Variants in SLC26A7 observed in about 807,000 individuals in gnomAD.
The protein encoded by SLC26A7 is solute carrier family 26 member 7, also known as anion exchange transporter.
SLC26A7 carries 59 observed loss-of-function variants against 82.5 expected under a neutral mutation model. That is an observed-to-expected ratio of 0.72 (90% confidence interval 0.58 to 0.89). The LOEUF is 0.89. SLC26A7 is among the 40% of genes least tolerant of loss of function. The pLI, the probability that SLC26A7 is intolerant of heterozygous loss-of-function variation, is 0.00. For missense variants in SLC26A7, 820 were observed against 793.0 expected, an observed-to-expected ratio of 1.03 and a Z score of -0.41; for synonymous variants, 271 against 274.3, an observed-to-expected ratio of 0.99 and a Z score of 0.12.
At chr8:91,310,484 G>A (rs536704696) in intron 4 of SLC26A7, among the ~76,000 whole-genome samples, 1 of 152,172 alleles carries the variant, frequency 6.6e-6, no homozygotes, top group South Asian at 2.1e-4. Context: ...TGAGGATCTG[G>A]AGCTTGATGG....
chr8:91,222,800 C>T (rs905771468), intron 2 of SLC26A7, among the ~76,000 whole-genome samples: 1 of 150,630 alleles, frequency 6.6e-6, no homozygotes, highest in Non-Finnish European at 1.5e-5. Context: ...CATCAGTTTT[C>T]TTTTTTTGTT....
intron 15 of SLC26A7, among the ~76,000 whole-genome samples, chr8:91,383,034 A>G (rs1814707769): frequency 6.6e-6 from 1 of 152,168 alleles, no homozygotes; most frequent in Non-Finnish European, 1.5e-5. Context: ...GAAAGGGGAT[A>G]CTTAAAATTG....
intron 2 of SLC26A7, among the ~76,000 whole-genome samples, chr8:91,229,068 A>G (rs996457276): frequency 1.3e-5 from 2 of 152,210 alleles, no homozygotes; most frequent in African/African-American, 4.8e-5. Flanking sequence ...CAATGACCAG[A>G]AAGGGATTCC....
At chr8:91,266,369 A>G (rs1238230432) in intron 2 of SLC26A7, among the ~76,000 whole-genome samples, 1 of 151,962 alleles carries the variant, frequency 6.6e-6, no homozygotes, top group Non-Finnish European at 1.5e-5. Context: ...ATTTATGAAC[A>G]TGGGATGCCT....
intron 11 of SLC26A7, among the ~76,000 whole-genome samples, chr8:91,359,897 C>T (rs56278443): frequency 0.11 from 16,672 of 150,728 alleles, 1,102 homozygotes; most frequent in African/African-American, 0.18. Flanking sequence ...TGTGTGTGTG[C>T]GCATGTGTGT....
intron 4 of SLC26A7, among the ~76,000 whole-genome samples, chr8:91,309,820 C>T (rs552363114): frequency 1.3e-5 from 2 of 152,170 alleles, no homozygotes; most frequent in African/African-American, 4.8e-5. Flanking sequence ...TTGAGGTGGG[C>T]TGTCTGCATG....
At chr8:91,333,248 T>G (rs147215868) in intron 5 of SLC26A7, among the ~76,000 whole-genome samples, 1 of 152,222 alleles carries the variant, frequency 6.6e-6, no homozygotes, top group Non-Finnish European at 1.5e-5. Context: ...ACTTTACTCT[T>G]ACATTGATCC....
chr8:91,323,818 C>CTTTTTTTTTT (rs3086210), intron 5 of SLC26A7, among the ~76,000 whole-genome samples: 3 of 117,104 alleles, frequency 2.6e-5, no homozygotes, highest in African/African-American at 9.1e-5. Context: ...TTTTTCTTAT[C>CTTTTTTTTTT]TTTTTTTTTT....
intron 11 of SLC26A7, 44 bp downstream of exon 11, chr8:91,353,040 CT>C: frequency 7.4e-7 from 1 of 1,345,338 alleles, no homozygotes; most frequent in Non-Finnish European, 1.0e-6. Context: ...TTAGCTTAAG[CT>C]TATGTTACCA....
At chr8:91,246,303 T>G (rs1810543188), upstream of SLC26A7, among the ~76,000 whole-genome samples, 1 of 152,194 alleles carries the variant, frequency 6.6e-6, no homozygotes. Flanking sequence ...GAATAATCCC[T>G]ACTCAAAAGG....
chr8:91,254,640 T>C (rs1196739157), intron 2 of SLC26A7, among the ~76,000 whole-genome samples: 2 of 152,056 alleles, frequency 1.3e-5, no homozygotes, highest in East Asian at 3.9e-4. Flanking sequence ...GTTACCCCTC[T>C]TCAGAATAAA....
At chr8:91,345,438 C>T (rs1383984842) in intron 9 of SLC26A7, among the ~76,000 whole-genome samples, 1 of 152,012 alleles carries the variant, frequency 6.6e-6, no homozygotes, top group Non-Finnish European at 1.5e-5. Flanking sequence ...AGTAGACTTG[C>T]CTATTAAAGT....
chr8:91,395,225 A>G lies in SLC26A7; in HGVS notation c.*128A>G, dbSNP rs1808536076. On this transcript the variant is annotated 3_prime_UTR_variant, in exon 19 of 19. Coordinates refer to ENST00000276609, the MANE Select transcript of SLC26A7 (RefSeq NM_052832.4). The stretch of plus-strand genomic sequence containing the variant: ...CCTCTGCTACAATAAGTACGATGTG[A>G]CTTAGTAACTGCATAGCAGTTGGAA... 8.7e-6 allele frequency: 13 copies of G among 1,498,806 alleles called. No individual in the cohort carries two copies. The highest frequency in any genetic ancestry group is 1.2e-5 in the Non-Finnish European group (13 of 1,125,602). 92.8% of individuals were successfully genotyped at this position (1,498,806 alleles called of 1,614,324 possible). A position where few individuals can be genotyped will look rare whatever the true frequency, so the allele number is the denominator to read the frequency against.
intron 4 of SLC26A7, among the ~76,000 whole-genome samples, chr8:91,308,102 C>A (rs563237840): frequency 3.3e-5 from 5 of 152,100 alleles, no homozygotes; most frequent in Non-Finnish European, 5.9e-5. Context: ...TATTACTGAA[C>A]ATTGCTGAGA....
intron 13 of SLC26A7, among the ~76,000 whole-genome samples, chr8:91,364,265 C>T (rs901981230): frequency 1.3e-5 from 2 of 151,974 alleles, no homozygotes; most frequent in African/African-American, 2.4e-5. Context: ...AACCTTTTTC[C>T]GTTTATTTTT....
chr8:91,366,386 A>T (rs190547215), intron 13 of SLC26A7, among the ~76,000 whole-genome samples, 194 bp from the exon 14 acceptor site: 1 of 152,178 alleles, frequency 6.6e-6, no homozygotes, highest in African/African-American at 2.4e-5. Flanking sequence ...GCCATTATTA[A>T]TGTTTCTTAG....
At chr8:91,284,188 G>A (rs934338820) in intron 2 of SLC26A7, among the ~76,000 whole-genome samples, 3 of 152,250 alleles carry the variant, frequency 2.0e-5, no homozygotes, top group East Asian at 1.9e-4. Flanking sequence ...GTTTTTCTGA[G>A]TGGTAATTTC....
chr8:91,255,701 G>A (rs995432269), intron 2 of SLC26A7, among the ~76,000 whole-genome samples: 3 of 151,916 alleles, frequency 2.0e-5, no homozygotes, highest in South Asian at 4.2e-4. Context: ...AGCTTCATTC[G>A]GTACTTTTGA....
intron 2 of SLC26A7, among the ~76,000 whole-genome samples, chr8:91,229,089 C>T (rs1401923590): frequency 6.6e-6 from 1 of 152,152 alleles, no homozygotes; most frequent in Non-Finnish European, 1.5e-5. Context: ...TTTAAAATGT[C>T]AGACCAAGCT....
Sources: gnomAD v4.1 joint callset for allele counts (sites outside exome capture counted in the v4.1 genomes callset) on GRCh38, gnomAD v4.1.1 for gene constraint, MANE v1.5 for transcripts, NCBI Gene and HGNC (gene_info 2026-07-23, HGNC 2026-07-21) for gene names.